ZNF804B: variants seen among roughly 807,000 people sequenced by gnomAD.
ZNF804B encodes the protein zinc finger protein 804B, also known as zinc finger 804B.
ZNF804B carries 80 observed loss-of-function variants against 101.4 expected under a neutral mutation model. The observed-to-expected ratio is 0.79, with a 90% CI of 0.66 to 0.95. ZNF804B has a LOEUF of 0.95. Ranked by LOEUF, ZNF804B falls within the 40% of genes least tolerant of loss-of-function variation. ZNF804B has a pLI of 0.00. For synonymous variants in ZNF804B, 622 were observed against 558.8 expected (o/e 1.11, Z -1.59); for missense variants, 1,673 against 1,561.9 (o/e 1.07, Z -1.20).
intron 2 of ZNF804B, among the ~76,000 whole-genome samples, chr7:89,315,699 A>T (rs971197687): frequency 2.0e-5 from 3 of 152,020 alleles, no homozygotes; most frequent in African/African-American, 7.2e-5. Context: ...CTGCTAAAAA[A>T]GTATCTGAAT....
rs1203294502 is a variant in ZNF804B, at chr7:89,176,593, T to C, written c.109-41562T>C. Reference sequence around the variant, plus strand: ...TTTTTTTCTTTCTTTCTTTCTTTCTTTTTTTTTTTTTTTTTCATGTTTCCT... The same window carrying C: ...TTTTTTTCTTTCTTTCTTTCTTTCTCTTTTTTTTTTTTTTTCATGTTTCCT... On this transcript the variant is annotated intron_variant, in intron 1 of 3. Transcript: ENST00000333190. Among the ~76,000 whole-genome samples the C allele has an allele frequency of 4.4e-4, 62 of 141,308 alleles. 2 individuals carry two copies. Among genetic ancestry groups the C allele is most frequent in the African/African-American group, 1.6e-3 (60 of 36,820 alleles). 92.7% of individuals were successfully genotyped at this position (141,308 alleles called of 152,430 possible).
chr7:89,237,133 A>G (rs2115753486), intron 2 of ZNF804B, among the ~76,000 whole-genome samples: 1 of 152,296 alleles, frequency 6.6e-6, no homozygotes, highest in East Asian at 1.9e-4. Flanking sequence ...AGAAACTTAG[A>G]AGTTCTAAAA....
chr7:88,773,891 C>T (rs1318053728), intron 1 of ZNF804B, among the ~76,000 whole-genome samples: 6 of 152,010 alleles, frequency 3.9e-5, no homozygotes, highest in East Asian at 3.9e-4. Flanking sequence ...ATGAGGGATC[C>T]GCCCCAGTGA....
chr7:88,843,722 G>T (rs1385675795), intron 1 of ZNF804B, among the ~76,000 whole-genome samples: 2 of 152,118 alleles, frequency 1.3e-5, no homozygotes, highest in Non-Finnish European at 2.9e-5. Flanking sequence ...GGCTGACAGA[G>T]CGAGACTCTG....
chr7:89,065,416 T>C (rs1789443223), intron 1 of ZNF804B, among the ~76,000 whole-genome samples: 1 of 152,290 alleles, frequency 6.6e-6, no homozygotes, highest in Non-Finnish European at 1.5e-5. Context: ...TCTGCATGGA[T>C]GCATCGTATG....
intron 2 of ZNF804B, among the ~76,000 whole-genome samples, chr7:89,269,097 G>A (rs966886439): frequency 6.6e-6 from 1 of 151,810 alleles, no homozygotes; most frequent in Non-Finnish European, 1.5e-5. Context: ...AAGTTCTAGG[G>A]TACATGTGCA....
chr7:89,021,374 G>T (rs1788664990), intron 1 of ZNF804B, among the ~76,000 whole-genome samples: 1 of 152,198 alleles, frequency 6.6e-6, no homozygotes, highest in Admixed American at 6.5e-5. Context: ...AACTGAGGGT[G>T]TGATTCACTA....
At chr7:89,205,855 G>A (rs369429221) in intron 1 of ZNF804B, among the ~76,000 whole-genome samples, 1 of 152,122 alleles carries the variant, frequency 6.6e-6, no homozygotes, top group Non-Finnish European at 1.5e-5. Context: ...TATGTGGGGG[G>A]CTCAAATCCC....
chr7:89,190,337 A>G (rs1788435756), intron 1 of ZNF804B, among the ~76,000 whole-genome samples: 1 of 146,184 alleles, frequency 6.8e-6, no homozygotes, highest in African/African-American at 2.5e-5. Flanking sequence ...CTCCGTCTTA[A>G]AAAAAAAAAA....
intron 1 of ZNF804B, among the ~76,000 whole-genome samples, chr7:88,819,173 G>C (rs891306777): frequency 3.3e-5 from 5 of 152,126 alleles, no homozygotes; most frequent in Non-Finnish European, 5.9e-5. Context: ...ACCCAGGCTG[G>C]AATGCAGTGG....
At chr7:89,212,658 C>G (rs1788823207) in intron 1 of ZNF804B, among the ~76,000 whole-genome samples, 1 of 152,108 alleles carries the variant, frequency 6.6e-6, no homozygotes, top group African/African-American at 2.4e-5. Flanking sequence ...TATGCCTTTT[C>G]CATTGATTAA....
At chr7:89,228,894 G>A (rs1439372149) in intron 2 of ZNF804B, among the ~76,000 whole-genome samples, 2 of 152,196 alleles carry the variant, frequency 1.3e-5, no homozygotes, top group Non-Finnish European at 2.9e-5. Flanking sequence ...ATGGCAGACT[G>A]CAGGTCCGGA....
chr7:89,128,121 T>C (rs1332814482), intron 1 of ZNF804B, among the ~76,000 whole-genome samples: 2 of 151,802 alleles, frequency 1.3e-5, no homozygotes, highest in African/African-American at 2.4e-5. Flanking sequence ...ATAAATTCCT[T>C]TTGGGCGTTT....
At chr7:88,790,225 T>C (rs1790357734) in intron 1 of ZNF804B, among the ~76,000 whole-genome samples, 1 of 152,142 alleles carries the variant, frequency 6.6e-6, no homozygotes, top group Non-Finnish European at 1.5e-5. Context: ...TATGTACTCT[T>C]ATTTAAAATT....
chr7:88,796,594 C>G (rs1790489191), intron 1 of ZNF804B, among the ~76,000 whole-genome samples: 1 of 152,134 alleles, frequency 6.6e-6, no homozygotes, highest in Non-Finnish European at 1.5e-5. Context: ...TTCTATGATA[C>G]TGCACTTTCT....
At chr7:89,156,754 A>G (rs1790984847) in intron 1 of ZNF804B, among the ~76,000 whole-genome samples, 1 of 152,126 alleles carries the variant, frequency 6.6e-6, no homozygotes, top group South Asian at 2.1e-4. Flanking sequence ...TTAAAAATAT[A>G]TTTTATTTTG....
chr7:88,932,158 G>A (rs1265534092), intron 1 of ZNF804B, among the ~76,000 whole-genome samples: 1 of 151,806 alleles, frequency 6.6e-6, no homozygotes, highest in Non-Finnish European at 1.5e-5. Context: ...CAGACAAAAT[G>A]GGTATGAGCT....
intron 1 of ZNF804B, among the ~76,000 whole-genome samples, chr7:89,196,262 C>T (rs980550244): frequency 1.3e-5 from 2 of 151,886 alleles, no homozygotes; most frequent in African/African-American, 4.8e-5. Flanking sequence ...ACACTTAAAA[C>T]CATCTGATCT....
intron 2 of ZNF804B, among the ~76,000 whole-genome samples, chr7:89,218,586 G>A (rs1788931750): frequency 6.6e-6 from 1 of 152,100 alleles, no homozygotes; most frequent in Non-Finnish European, 1.5e-5. Flanking sequence ...GGTTAGGAAT[G>A]TCAGTCAAAA....
Sources: allele counts gnomAD v4.1 joint callset (sites outside exome capture counted in the v4.1 genomes callset), GRCh38; gene constraint gnomAD v4.1.1; transcripts MANE v1.5; gene names NCBI Gene and HGNC (gene_info 2026-07-23, HGNC 2026-07-21).